Variants in PADI6 observed in about 807,000 individuals in gnomAD.
The protein encoded by PADI6 is inactive protein-arginine deiminase type-6.
Under a neutral mutation model 78.2 loss-of-function variants are expected in PADI6, and 66 were observed. The observed-to-expected ratio is 0.84, with a 90% CI of 0.69 to 1.04. PADI6 has a LOEUF of 1.04. PADI6 is among the 50% of genes least tolerant of loss of function. The pLI is 0.00. For missense variants in PADI6, 854 were observed against 866.1 expected, an observed-to-expected ratio of 0.99 and a Z score of 0.18; for synonymous variants, 397 against 346.9, an observed-to-expected ratio of 1.14 and a Z score of -1.60.
chr1:17,388,640 T>C (rs2526841), intron 7 of PADI6, 81 bp downstream of exon 7: 407,517 of 1,470,438 alleles, frequency 0.28, 57,621 homozygotes, highest in African/African-American at 0.37. Flanking sequence ...GGGCAGAGCT[T>C]GAGGTTTGCT....
intron 2 of PADI6, 129 bp downstream of exon 2, chr1:17,373,362 C>T: frequency 9.0e-7 from 1 of 1,105,046 alleles, no homozygotes; most frequent in Non-Finnish European, 1.3e-6. Context: ...CTGATCTCAT[C>T]CAGTGTCTGC....
At chr1:17,394,824 C>A in intron 11 of PADI6, 127 bp from the exon 12 acceptor site, 1 of 1,158,660 alleles carries the variant, frequency 8.6e-7, no homozygotes, top group African/African-American at 1.6e-5. Flanking sequence ...AACACATCCG[C>A]TATGGACCGG....
chr1:17,380,747 T>G (rs2075065148), intron 4 of PADI6, among the ~76,000 whole-genome samples: 1 of 152,208 alleles, frequency 6.6e-6, no homozygotes, highest in Non-Finnish European at 1.5e-5. Context: ...ATGAGAGGAT[T>G]AGCCGCTGCT....
At chr1:17,377,115 C>A (rs180993483) in intron 3 of PADI6, among the ~76,000 whole-genome samples, 1 of 152,050 alleles carries the variant, frequency 6.6e-6, no homozygotes, top group Non-Finnish European at 1.5e-5. Flanking sequence ...GCTGGGACTA[C>A]AGGCACGCAC....
intron 2 of PADI6, among the ~76,000 whole-genome samples, 183 bp from the exon 3 acceptor site, chr1:17,375,244 C>T (rs1557595261): frequency 6.6e-6 from 1 of 152,120 alleles, no homozygotes; most frequent in Non-Finnish European, 1.5e-5. Context: ...GGTTCTAAGT[C>T]CTTAGGGGAC....
chr1:17,383,482 G>A (rs2075091880), intron 6 of PADI6, among the ~76,000 whole-genome samples: 1 of 152,208 alleles, frequency 6.6e-6, no homozygotes, highest in African/African-American at 2.4e-5. Flanking sequence ...GAGTCCGCCG[G>A]TTCATGTAGC....
chr1:17,394,190 A>AGG, intron 10 of PADI6, 108 bp downstream of exon 10: 9 of 1,539,200 alleles, frequency 5.8e-6, no homozygotes, highest in African/African-American at 1.4e-5. Context: ...GTGGCCTCTG[A>AGG]GGGGGGAGGG....
At chr1:17,391,243 G>A (rs899758554) in intron 8 of PADI6, among the ~76,000 whole-genome samples, 7 of 152,052 alleles carry the variant, frequency 4.6e-5, no homozygotes, top group Non-Finnish European at 1.0e-4. Context: ...TTTTTGAGAT[G>A]GAGTCTCGCT....
Position 17,395,673 on chromosome 1 carries a change from C to T in PADI6, c.1618+10C>T, listed in dbSNP as rs2075239414. ...CAGCTCCTGTCTAATGGTAAGGGAA[C>T]TCCCTTTCCACAGAACAGAACTGGG... On this transcript the variant is annotated intron_variant, in intron 13 of 15. Coordinates refer to ENST00000619609, the MANE Select transcript of PADI6 (RefSeq NM_207421.4). 4 of 1,609,262 alleles carry T rather than the reference C, an allele frequency of 2.5e-6. No homozygotes were observed. Among genetic ancestry groups the T allele is most frequent in the Non-Finnish European group, 3.4e-6 (4 of 1,177,116 alleles).
In PADI6 at chr1:17,394,325, A is replaced by G. The variant is rs1346502108; in HGVS notation, c.1208A>G (p.Gln403Arg). 6.2e-7 allele frequency: 1 copy of G among 1,613,894 alleles called. No homozygotes were observed. Among genetic ancestry groups the G allele is most frequent in the Non-Finnish European group, 8.5e-7 (1 of 1,179,858 alleles). Residue 403 changes from glutamine (Q) to arginine (R), a missense_variant, in exon 11 of 16, where the codon CAG (glutamine) becomes CGG (arginine). Gln to Arg is a conservative substitution (Grantham distance 43). Coordinates refer to ENST00000619609, the MANE Select transcript of PADI6 (RefSeq NM_207421.4). ...AGCCCTGGTATTGGCTACATGATCC[A>G]GGACACTGAGGACCATAAAGTGGCC... is the stretch of plus-strand genomic sequence containing the variant. ...SLSPGIGYMI[Q>R]DTEDHKVASM... is the part of the protein sequence containing the mutation.
At chr1:17,381,941 T>C in intron 5 of PADI6, 26 bp from the exon 6 acceptor site, 1 of 1,612,940 alleles carries the variant, frequency 6.2e-7, no homozygotes, top group Non-Finnish European at 8.5e-7. Context: ...AGACATTCCT[T>C]AACCTTTGCT....
At chr1:17,390,078 C>A (rs2075167207) in intron 8 of PADI6, among the ~76,000 whole-genome samples, 1 of 152,134 alleles carries the variant, frequency 6.6e-6, no homozygotes, top group South Asian at 2.1e-4. Flanking sequence ...GCAGGAGGAT[C>A]ACCTGAGGGT....
At chr1:17,382,897 C>A (rs1270878063) in intron 6 of PADI6, among the ~76,000 whole-genome samples, 1 of 152,188 alleles carries the variant, frequency 6.6e-6, no homozygotes, top group African/African-American at 2.4e-5. Flanking sequence ...CTCAAGCAGT[C>A]CTCCTACCTC....
Position 17,375,420 on chromosome 1 carries a change from T to C in PADI6, c.295-7T>C, listed in dbSNP as rs1428269879. 1.9e-6 allele frequency: 3 copies of C among 1,609,494 alleles called. No homozygotes were observed. The highest frequency in any genetic ancestry group is 2.5e-6 in the Non-Finnish European group (3 of 1,177,980). ...CTGCCTATGGTTTCGGGATGCTGTCTCCACAGGTCTCGGTCACATACTATG... is the reference window on the plus strand; with the variant it reads ...CTGCCTATGGTTTCGGGATGCTGTCCCCACAGGTCTCGGTCACATACTATG... On this transcript the variant is annotated splice_polypyrimidine_tract_variant and splice_region_variant and intron_variant, in intron 2 of 15. Coordinates refer to ENST00000619609, the MANE Select transcript of PADI6 (RefSeq NM_207421.4).
intron 15 of PADI6, among the ~76,000 whole-genome samples, chr1:17,400,223 AC>A (rs1203256725): frequency 6.3e-5 from 9 of 142,264 alleles, no homozygotes; most frequent in South Asian, 2.3e-4. Context: ...AAAAAAAAAA[AC>A]ATTCTGGGGC....
chr1:17,389,194 C>T (rs1544068), intron 8 of PADI6, among the ~76,000 whole-genome samples: 45,430 of 152,054 alleles, frequency 0.3, 7,113 homozygotes, highest in Middle Eastern at 0.41. Context: ...GTCCCAGGGA[C>T]GATGAAGCTC....
intron 1 of PADI6, 33 bp from the exon 2 acceptor site, chr1:17,373,023 G>A: frequency 6.3e-7 from 1 of 1,581,066 alleles, no homozygotes; most frequent in Non-Finnish European, 8.6e-7. Flanking sequence ...AGGTGTTTGT[G>A]CCCTGACGCG....
At chr1:17,399,363 C>A (rs2075279639) in intron 15 of PADI6, among the ~76,000 whole-genome samples, 1 of 152,114 alleles carries the variant, frequency 6.6e-6, no homozygotes, top group Non-Finnish European at 1.5e-5. Context: ...CTTTGGGAGG[C>A]CGAGGCAGGT....
At chr1:17,374,178 G>T (rs554915848) in intron 2 of PADI6, among the ~76,000 whole-genome samples, 1 of 152,224 alleles carries the variant, frequency 6.6e-6, no homozygotes, top group South Asian at 2.1e-4. Context: ...TGATGGAGCA[G>T]TTCAGGACTG....
Sources: gnomAD v4.1 joint callset for allele counts (sites outside exome capture counted in the v4.1 genomes callset) on GRCh38, gnomAD v4.1.1 for gene constraint, MANE v1.5 for transcripts, NCBI Gene and HGNC (gene_info 2026-07-23, HGNC 2026-07-21) for gene names.